TPRG1: variants seen among roughly 807,000 people sequenced by gnomAD.
TPRG1 encodes tumor protein p63 regulated 1, also known as tumor protein p63-regulated gene 1 protein.
TPRG1 carries 29 observed loss-of-function variants against 29.3 expected under a neutral mutation model. The ratio of observed to expected loss-of-function variants is 0.99; its 90% CI spans 0.74 to 1.35. TPRG1 has a LOEUF of 1.35. Among genes scored for constraint, TPRG1 ranks in the 40% most tolerant of loss-of-function variants. The pLI, the probability that TPRG1 is intolerant of heterozygous loss-of-function variation, is 0.00. For synonymous variants in TPRG1, 130 were observed against 116.8 expected (o/e 1.11, Z -0.73); for missense variants, 327 against 335.0 (o/e 0.98, Z 0.19).
At position 189,305,359 on chromosome 3, in the gene TPRG1, CA is replaced by C. The variant is rs1465504879; in HGVS notation, c.480-5022del. On this transcript the variant is annotated intron_variant, in intron 4 of 5. Transcript: ENST00000345063. Reference sequence around the variant, plus strand: ...CTTGGAGGAGAGGAGTCTTTCCTGTCAAAAATAATTTATTCTCTTACAAAGT... The same window carrying C: ...CTTGGAGGAGAGGAGTCTTTCCTGTCAAAATAATTTATTCTCTTACAAAGT... 3.9e-5 allele frequency among the ~76,000 whole-genome samples: 6 copies of C among 152,198 alleles called. No individual in the cohort carries two copies. In the East Asian group the frequency reaches 7.7e-4, roughly 20 times the overall value.
chr3:189,270,877 T>G (rs868087967), intron 4 of TPRG1, among the ~76,000 whole-genome samples: 2 of 152,100 alleles, frequency 1.3e-5, no homozygotes, highest in African/African-American at 2.4e-5. Flanking sequence ...TTTCCTACCA[T>G]GAGACTACTC....
chr3:189,203,533 C>T (rs1733825036), intron 1 of TPRG1, among the ~76,000 whole-genome samples: 1 of 152,122 alleles, frequency 6.6e-6, no homozygotes, highest in Non-Finnish European at 1.5e-5. Context: ...GAAGATACAA[C>T]TGTTAATCTC....
At chr3:188,997,315 A>G (rs1041576638) in intron 1 of TPRG1, among the ~76,000 whole-genome samples, 1 of 151,988 alleles carries the variant, frequency 6.6e-6, no homozygotes, top group Non-Finnish European at 1.5e-5. Flanking sequence ...CATCCATTCT[A>G]TTGCCTTATG....
At chr3:189,075,872 T>C (rs1717138197) in intron 4 of TPRG1, among the ~76,000 whole-genome samples, 1 of 152,228 alleles carries the variant, frequency 6.6e-6, no homozygotes, top group African/African-American at 2.4e-5. Context: ...TGTTCACCTG[T>C]CTTGCATGGA....
intron 4 of TPRG1, among the ~76,000 whole-genome samples, chr3:189,034,649 G>A (rs1365566092): frequency 6.6e-6 from 1 of 152,070 alleles, no homozygotes; most frequent in Non-Finnish European, 1.5e-5. Flanking sequence ...CATAAAAGTT[G>A]TAAACAAGAA....
intron 4 of TPRG1, 99 bp from the exon 5 acceptor site, chr3:189,310,287 G>T (rs1265104491): frequency 2.9e-6 from 3 of 1,036,440 alleles, no homozygotes; most frequent in African/African-American, 1.6e-5. Context: ...AGTTTAACTA[G>T]TTGGGAGTTA....
intron 4 of TPRG1, among the ~76,000 whole-genome samples, chr3:189,239,523 C>T (rs1240384566): frequency 2.0e-5 from 3 of 152,068 alleles, no homozygotes; most frequent in Non-Finnish European, 4.4e-5. Flanking sequence ...GCTGTGGGAA[C>T]ATGGGGAAAA....
chr3:189,110,159 A>G (rs531224033), intron 1 of TPRG1, among the ~76,000 whole-genome samples: 1 of 152,290 alleles, frequency 6.6e-6, no homozygotes, highest in South Asian at 2.1e-4. Flanking sequence ...ATTGTGTAGT[A>G]TATGTTTAAC....
intron 3 of TPRG1, among the ~76,000 whole-genome samples, chr3:189,236,494 C>T (rs1739470727): frequency 6.6e-6 from 1 of 152,168 alleles, no homozygotes; most frequent in South Asian, 2.1e-4. Flanking sequence ...AGAATTTCCT[C>T]TTTCTCTCAA....
In TPRG1 at chr3:189,190,978, A is replaced by G. The variant is rs1731604656; in HGVS notation, c.-9-16398A>G. 3.0e-6 allele frequency: 3 copies of G among 985,308 alleles called. No homozygotes were observed. The African/African-American group carries it at 5.2e-5, about 17-fold the overall frequency. 61.0% of individuals were successfully genotyped at this position (985,308 alleles called of 1,614,324 possible). A position where few individuals can be genotyped will look rare whatever the true frequency, so the allele number is the denominator to read the frequency against. On this transcript the variant is annotated intron_variant, in intron 1 of 5. Transcript: ENST00000345063. ...TATTCACAGAAGCAAGGAAATGCGA[A>G]TATCACAGGTAGGTCTTTTAATTTT...
intron 1 of TPRG1, among the ~76,000 whole-genome samples, chr3:189,110,371 A>G (rs1216985847): frequency 6.6e-6 from 1 of 152,106 alleles, no homozygotes; most frequent in African/African-American, 2.4e-5. Context: ...TATCTGTTCA[A>G]ATGTTTTGTC....
At chr3:189,013,864 T>C (rs1712778968) in intron 3 of TPRG1, among the ~76,000 whole-genome samples, 1 of 152,198 alleles carries the variant, frequency 6.6e-6, no homozygotes, top group African/African-American at 2.4e-5. Flanking sequence ...TTTAATTTTT[T>C]CATCCATCCC....
chr3:189,001,928 A>G (rs985644659), intron 2 of TPRG1, among the ~76,000 whole-genome samples: 1 of 152,204 alleles, frequency 6.6e-6, no homozygotes, highest in African/African-American at 2.4e-5. Flanking sequence ...TTAAATCTAA[A>G]TATTACTTAA....
intron 4 of TPRG1, among the ~76,000 whole-genome samples, chr3:189,050,036 A>G (rs924352386): frequency 3.3e-5 from 5 of 152,190 alleles, no homozygotes; most frequent in Non-Finnish European, 7.3e-5. Flanking sequence ...GATCAACAAG[A>G]ACTGACTAAG....
intron 3 of TPRG1, among the ~76,000 whole-genome samples, chr3:189,016,167 A>G (rs971678038): frequency 5.3e-5 from 8 of 152,226 alleles, no homozygotes; most frequent in South Asian, 2.1e-4. Flanking sequence ...CCTGGCATCA[A>G]TGTGGCCTTG....
chr3:189,114,564 A>G (rs754404474), intron 1 of TPRG1, among the ~76,000 whole-genome samples: 1 of 151,940 alleles, frequency 6.6e-6, no homozygotes, highest in Non-Finnish European at 1.5e-5. Context: ...ATTATAGGAG[A>G]TCACTGGTTT....
chr3:189,233,058 A>G (rs781494140), intron 3 of TPRG1, among the ~76,000 whole-genome samples: 8 of 152,060 alleles, frequency 5.3e-5, no homozygotes, highest in Non-Finnish European at 1.0e-4. Flanking sequence ...CCAAGATACT[A>G]TCTTTTCAAG....
At chr3:189,154,230 C>T (rs1294405327) in intron 5 of TPRG1, among the ~76,000 whole-genome samples, 2 of 152,168 alleles carry the variant, frequency 1.3e-5, no homozygotes, top group Non-Finnish European at 2.9e-5. Flanking sequence ...CAGAGTGTCT[C>T]CTGAAAGCTG....
At position 189,253,209 on chromosome 3, in the gene TPRG1, C is replaced by G. The variant is rs116534458; in HGVS notation, c.479+14300C>G. ...ATCCCTCCTCAGGCCCCTCACCCCC[C>G]AACTGGCCCTAGTGTGTGATGTTCC... On this transcript the variant is annotated intron_variant, in intron 4 of 5. Transcript: ENST00000345063. Among the ~76,000 whole-genome samples the G allele has an allele frequency of 3.7e-3, 557 of 152,236 alleles. 3 individuals carry two copies. The highest frequency in any genetic ancestry group is 0.012 in the African/African-American group (497 of 41,540).
Sources: gnomAD v4.1 joint callset for allele counts (sites outside exome capture counted in the v4.1 genomes callset) on GRCh38, gnomAD v4.1.1 for gene constraint, MANE v1.5 for transcripts, NCBI Gene and HGNC (gene_info 2026-07-23, HGNC 2026-07-21) for gene names.